Variants in ARSK observed in about 807,000 individuals in gnomAD.
ARSK encodes arylsulfatase K.
Under a neutral mutation model 53.2 loss-of-function variants are expected in ARSK, and 37 were observed. The ratio of observed to expected loss-of-function variants is 0.70; its 90% CI spans 0.54 to 0.92. The LOEUF (loss-of-function observed/expected upper bound fraction) is 0.92, where lower values mean the gene tolerates loss of function less well. ARSK is among the 40% of genes least tolerant of loss of function. The probability of loss-of-function intolerance (pLI) is 0.00; values close to 1 mark genes in which losing one functional copy is unlikely to be tolerated. For missense variants in ARSK, 613 were observed against 643.0 expected, an observed-to-expected ratio of 0.95 and a Z score of 0.51; for synonymous variants, 208 against 223.2, an observed-to-expected ratio of 0.93 and a Z score of 0.61.
At position 95,591,418 on chromosome 5, in the gene ARSK, C is replaced by T. The variant is rs775563470; in HGVS notation, c.889C>T (p.Leu297Phe). 45 of 1,613,012 alleles carry T rather than the reference C, an allele frequency of 2.8e-5. No homozygotes were observed. Among genetic ancestry groups the T allele is most frequent in the Non-Finnish European group, 3.7e-5 (44 of 1,179,166 alleles). Residue 297 changes from leucine (L) to phenylalanine (F), a missense_variant, in exon 6 of 8, where the codon CTT (leucine) becomes TTT (phenylalanine). Transcript: ENST00000380009. ...TATTGTAGGTGAAATTATTTTGGCC[C>T]TTCATCAATTAGATCTTCTTCAGAA... is the stretch of plus-strand genomic sequence containing the variant. ...DAMLGEIILALHQLDLLQKTI... is the reference protein window; with the variant it reads ...DAMLGEIILAFHQLDLLQKTI...
intron 3 of ARSK, among the ~76,000 whole-genome samples, chr5:95,569,839 T>C (rs895289384): frequency 2.0e-5 from 3 of 152,254 alleles, no homozygotes; most frequent in Admixed American, 2.0e-4. Context: ...AGTTACTGTT[T>C]AATTTCTTCC....
Position 95,568,859 on chromosome 5 carries a change from C to T in ARSK, c.416+810C>T, listed in dbSNP as rs908376703. Among the ~76,000 whole-genome samples, 10 of 151,936 alleles carry T rather than the reference C, an allele frequency of 6.6e-5. 1 individual carries two copies. Among genetic ancestry groups the T allele is most frequent in the East Asian group, 5.8e-4 (3 of 5,192 alleles). On this transcript the variant is annotated intron_variant, in intron 3 of 7. Coordinates refer to ENST00000380009, the MANE Select transcript of ARSK (RefSeq NM_198150.3). ...CAGGAGTATGGAATTTTGGTATGTG[C>T]GAAGTAGAGGGTGCTTATATAATCA...
chr5:95,555,341 A>C lies in ARSK; in HGVS notation c.63A>C (p.Ala21=), dbSNP rs768433423. 5 of 1,609,230 alleles carry C rather than the reference A, an allele frequency of 3.1e-6. No homozygotes were observed. In the African/African-American group the frequency reaches 6.7e-5, roughly 22 times the overall value. ...CGCTGGCGGTACTGGCCCCCGGAGC[A>C]GGGGAGCAGAGGCGGAGAGCAGCCA... is the stretch of plus-strand genomic sequence containing the variant. ...ALALAVLAPG[A]GEQRRRAAKA... The change falls in exon 1 of 8, where the codon GCA becomes GCC. Residue 21 remains alanine, a synonymous_variant. Transcript: ENST00000380009. The surrounding 1 kb of genome is among the most constrained non-coding windows in gnomAD (Gnocchi z 4.0).
intron 3 of ARSK, among the ~76,000 whole-genome samples, chr5:95,569,530 G>T (rs988800097): frequency 6.6e-6 from 1 of 152,188 alleles, no homozygotes; most frequent in Non-Finnish European, 1.5e-5. Flanking sequence ...TTAAGACAGA[G>T]GCAGAGATAG....
At chr5:95,602,927 T>A (rs1232933638) in intron 7 of ARSK, among the ~76,000 whole-genome samples, 1 of 152,020 alleles carries the variant, frequency 6.6e-6, no homozygotes, top group Non-Finnish European at 1.5e-5. Context: ...AGGCAGGACA[T>A]CAAAAACAGG....
intron 3 of ARSK, among the ~76,000 whole-genome samples, chr5:95,577,617 T>A (rs1469565585): frequency 6.6e-6 from 1 of 152,168 alleles, no homozygotes; most frequent in Admixed American, 6.5e-5. Flanking sequence ...AGGGCTATAG[T>A]CATCTAGGAA....
At chr5:95,599,824 G>A (rs540988029) in intron 6 of ARSK, among the ~76,000 whole-genome samples, 5 of 152,122 alleles carry the variant, frequency 3.3e-5, no homozygotes, top group Non-Finnish European at 7.4e-5. Flanking sequence ...TAATTAACCT[G>A]TTTTTGTCAA....
intron 6 of ARSK, among the ~76,000 whole-genome samples, chr5:95,593,900 A>G (rs1383351535): frequency 6.6e-6 from 1 of 151,950 alleles, no homozygotes; most frequent in Non-Finnish European, 1.5e-5. Flanking sequence ...TTGGTAATAG[A>G]CTCCTTCTAA....
intron 5 of ARSK, among the ~76,000 whole-genome samples, chr5:95,589,481 A>C (rs1462614413): frequency 7.2e-5 from 11 of 152,098 alleles, no homozygotes; most frequent in Non-Finnish European, 2.9e-5. Context: ...CCCCGTGTTC[A>C]TGTGTTCTCA....
At chr5:95,578,493 CT>C (rs1172747826) in intron 3 of ARSK, among the ~76,000 whole-genome samples, 4 of 151,768 alleles carry the variant, frequency 2.6e-5, no homozygotes, top group East Asian at 3.9e-4. Context: ...AATATAGATC[CT>C]TTTTTTTCTT....
chr5:95,567,828 G>A (rs776317973), intron 2 of ARSK, 62 bp from the exon 3 acceptor site: 59 of 1,497,544 alleles, frequency 3.9e-5, no homozygotes, highest in Middle Eastern at 1.9e-4. Flanking sequence ...CAGAGTAATT[G>A]TCCTAATAGT....
intron 6 of ARSK, 106 bp downstream of exon 6, chr5:95,591,731 C>T: frequency 9.5e-7 from 1 of 1,049,862 alleles, no homozygotes; most frequent in South Asian, 1.4e-5. Flanking sequence ...GTCCTGCTGA[C>T]TTGTTTATAA....
At chr5:95,576,893 A>G (rs190988060) in intron 3 of ARSK, among the ~76,000 whole-genome samples, 136 of 152,200 alleles carry the variant, frequency 8.9e-4, no homozygotes, top group African/African-American at 3.2e-3. Context: ...TTTCTTTCTA[A>G]ATTTAAATTC....
intron 4 of ARSK, among the ~76,000 whole-genome samples, chr5:95,585,630 A>C (rs982719059): frequency 6.6e-6 from 1 of 152,218 alleles, no homozygotes; most frequent in African/African-American, 2.4e-5. Flanking sequence ...CAGAGGCATA[A>C]GAATAATACA....
chr5:95,570,305 T>A (rs1748804251), intron 3 of ARSK, among the ~76,000 whole-genome samples: 1 of 152,206 alleles, frequency 6.6e-6, no homozygotes, highest in South Asian at 2.1e-4. Flanking sequence ...AAAACTTTCC[T>A]TAATATGCTT....
intron 2 of ARSK, 85 bp from the exon 3 acceptor site, chr5:95,567,805 T>G (rs1016550631): frequency 1.5e-6 from 2 of 1,348,066 alleles, no homozygotes; most frequent in African/African-American, 2.9e-5. Flanking sequence ...TCTTCACTAG[T>G]GGACTGCTCT....
intron 3 of ARSK, among the ~76,000 whole-genome samples, chr5:95,573,276 G>T (rs1455207217): frequency 6.6e-6 from 1 of 152,060 alleles, no homozygotes; most frequent in South Asian, 2.1e-4. Context: ...TGTATAGAAA[G>T]TGTAAAGAAT....
intron 3 of ARSK, among the ~76,000 whole-genome samples, chr5:95,577,419 A>G (rs1342172652): frequency 1.3e-5 from 2 of 152,210 alleles, no homozygotes; most frequent in African/African-American, 2.4e-5. Context: ...TAAAAGTACA[A>G]TAGTAGGAGA....
chr5:95,594,428 G>A (rs1749268506), intron 6 of ARSK, among the ~76,000 whole-genome samples: 1 of 151,980 alleles, frequency 6.6e-6, no homozygotes, highest in Non-Finnish European at 1.5e-5. Flanking sequence ...TACACAAATG[G>A]CCAATATATT....
Sources: allele counts gnomAD v4.1 joint callset (sites outside exome capture counted in the v4.1 genomes callset), GRCh38; gene constraint gnomAD v4.1.1; non-coding constraint Gnocchi (gnomAD v3.1); transcripts MANE v1.5; gene names NCBI Gene and HGNC (gene_info 2026-07-23, HGNC 2026-07-21).